Variants in SCD5 observed in about 807,000 individuals in gnomAD.
The protein encoded by SCD5 is stearoyl-CoA desaturase 5, also known as acyl-CoA-desaturase 4.
SCD5 carries 20 observed loss-of-function variants against 30.4 expected under a neutral mutation model. The observed-to-expected ratio is 0.66, with a 90% CI of 0.46 to 0.96. The LOEUF (loss-of-function observed/expected upper bound fraction) is 0.96. SCD5 is among the 40% of genes least tolerant of loss of function. The probability of loss-of-function intolerance (pLI) is 0.00; values close to 1 mark genes in which losing one functional copy is unlikely to be tolerated. For missense variants in SCD5, 381 were observed against 443.3 expected (o/e 0.86, Z 1.26); for synonymous variants, 173 against 176.4 (o/e 0.98, Z 0.16).
intron 3 of SCD5, among the ~76,000 whole-genome samples, chr4:82,679,934 C>T (rs1196724139): frequency 6.6e-6 from 1 of 152,172 alleles, no homozygotes; most frequent in Non-Finnish European, 1.5e-5. Context: ...CATGCTGTCT[C>T]AAGGCTCTAA....
chr4:82,769,780 C>T (rs1322776255), intron 1 of SCD5, among the ~76,000 whole-genome samples: 4 of 151,996 alleles, frequency 2.6e-5, no homozygotes, highest in African/African-American at 9.7e-5. Flanking sequence ...TGTATTTATA[C>T]CTAGGTACTA....
chr4:82,685,106 T>C (rs886554775), intron 2 of SCD5, among the ~76,000 whole-genome samples: 1 of 152,228 alleles, frequency 6.6e-6, no homozygotes, highest in African/African-American at 2.4e-5. Context: ...AAGTGCACTC[T>C]CACCACATGT....
intron 1 of SCD5, among the ~76,000 whole-genome samples, chr4:82,777,705 T>A (rs930787732): frequency 1.3e-5 from 2 of 152,184 alleles, no homozygotes; most frequent in African/African-American, 4.8e-5. Context: ...GAAAGTATCT[T>A]GGTCGCCTCC....
intron 1 of SCD5, among the ~76,000 whole-genome samples, chr4:82,776,496 G>C (rs944633542): frequency 1.3e-5 from 2 of 152,210 alleles, no homozygotes; most frequent in African/African-American, 2.4e-5. Flanking sequence ...AACTGACTTA[G>C]AGGTGTTCAT....
At chr4:82,641,667 T>C (rs565503877) in intron 3 of SCD5, among the ~76,000 whole-genome samples, 33 of 151,906 alleles carry the variant, frequency 2.2e-4, no homozygotes, top group East Asian at 1.9e-3. Context: ...GGGAGGGTTG[T>C]AGGAGATAAA....
At chr4:82,756,652 TC>T (rs1214156319) in intron 1 of SCD5, among the ~76,000 whole-genome samples, 2 of 107,842 alleles carry the variant, frequency 1.9e-5, no homozygotes, top group East Asian at 6.7e-4. Context: ...AGACTGTTCC[TC>T]CCCCACCCCC....
chr4:82,790,700 G>T (rs1275360720), intron 1 of SCD5, among the ~76,000 whole-genome samples: 1 of 152,162 alleles, frequency 6.6e-6, no homozygotes, highest in East Asian at 1.9e-4. Flanking sequence ...TGGTGCCAGC[G>T]CTTGGCAGGT....
At chr4:82,724,382 T>C (rs7687215) in intron 1 of SCD5, among the ~76,000 whole-genome samples, 79,515 of 152,030 alleles carry the variant, frequency 0.52, 21,901 homozygotes, top group African/African-American at 0.69. Context: ...TTTGGGAGGC[T>C]GAGGCAGGAG....
chr4:82,679,238 A>AAGAGAGAAAGAC, intron 3 of SCD5, among the ~76,000 whole-genome samples: 1 of 89,016 alleles, frequency 1.1e-5, no homozygotes, highest in African/African-American at 4.5e-5. Flanking sequence ...GAAAGAAAGA[A>AAGAGAGAAAGAC]AGAAAGAAAG....
intron 3 of SCD5, among the ~76,000 whole-genome samples, chr4:82,641,692 G>T (rs1209439130): frequency 6.6e-6 from 1 of 152,132 alleles, no homozygotes; most frequent in East Asian, 1.9e-4. Context: ...GAATAATGGG[G>T]GATCAAGTTT....
At chr4:82,658,759 C>T (rs1195656218) in intron 3 of SCD5, among the ~76,000 whole-genome samples, 1 of 149,344 alleles carries the variant, frequency 6.7e-6, no homozygotes, top group African/African-American at 2.5e-5. Flanking sequence ...AGGATTTTTG[C>T]ATCAATGTTC....
At chr4:82,739,918 C>T (rs1720838196) in intron 1 of SCD5, among the ~76,000 whole-genome samples, 3 of 152,160 alleles carry the variant, frequency 2.0e-5, no homozygotes, top group Admixed American at 1.3e-4. Flanking sequence ...GACCCCTCTC[C>T]ATCCCCACCG....
chr4:82,633,061 A>C (rs1313114289), intron 4 of SCD5, among the ~76,000 whole-genome samples: 3 of 152,188 alleles, frequency 2.0e-5, no homozygotes, highest in Non-Finnish European at 4.4e-5. Context: ...TGTAGTCACT[A>C]TCGCCATGTT....
At chr4:82,700,784 C>A (rs1578027861) in intron 2 of SCD5, among the ~76,000 whole-genome samples, 1 of 73,782 alleles carries the variant, frequency 1.4e-5, no homozygotes, top group African/African-American at 5.2e-5. Flanking sequence ...GAGACCCTGT[C>A]TCTAAAAAAA....
At chr4:82,764,734 T>C (rs1721450811) in intron 1 of SCD5, among the ~76,000 whole-genome samples, 1 of 151,556 alleles carries the variant, frequency 6.6e-6, no homozygotes, top group African/African-American at 2.4e-5. Flanking sequence ...TTCTTTCTTT[T>C]TTTTTTTTTG....
Position 82,660,514 on chromosome 4 carries a change from G to A in SCD5, c.569+20193C>T, listed in dbSNP as rs368869992. The A allele has an allele frequency of 1.6e-5, 18 of 1,104,084 alleles. No homozygotes were observed. The Admixed American group carries it at 3.2e-4, about 20-fold the overall frequency. The allele number at this position is 1,104,084 out of a possible 1,614,324, so 68.4% of individuals were successfully genotyped here. On this transcript the variant is annotated intron_variant, in intron 3 of 4. Transcript: ENST00000319540. Reference sequence around the variant, plus strand: ...GAATATCTCCTATAGAGTGCTGTATGTGTAGTTAATAACACAAATATTTAT... The same window carrying A: ...GAATATCTCCTATAGAGTGCTGTATATGTAGTTAATAACACAAATATTTAT...
intron 1 of SCD5, among the ~76,000 whole-genome samples, chr4:82,770,681 C>T (rs557426654): frequency 1.5e-4 from 23 of 152,298 alleles, no homozygotes; most frequent in African/African-American, 5.5e-4. Flanking sequence ...TGCACATGTC[C>T]CCTTGGCTCT....
At chr4:82,651,497 A>G (rs562762072) in intron 3 of SCD5, among the ~76,000 whole-genome samples, 5 of 152,290 alleles carry the variant, frequency 3.3e-5, no homozygotes, top group African/African-American at 1.2e-4. Flanking sequence ...ATAAAAGATT[A>G]CACATTAAGT....
At chr4:82,784,526 G>T (rs1721945848) in intron 1 of SCD5, among the ~76,000 whole-genome samples, 1 of 152,160 alleles carries the variant, frequency 6.6e-6, no homozygotes, top group Non-Finnish European at 1.5e-5. Context: ...GTATACAACA[G>T]CAATTGTAAA....
Sources: allele counts gnomAD v4.1 joint callset (sites outside exome capture counted in the v4.1 genomes callset), GRCh38; gene constraint gnomAD v4.1.1; transcripts MANE v1.5; gene names NCBI Gene and HGNC (gene_info 2026-07-23, HGNC 2026-07-21).